The following GULP1 variants were observed in gnomAD, a reference collection of about 807,000 sequenced individuals.
GULP1 encodes the protein GULP PTB domain containing engulfment adaptor 1.
A neutral mutation model predicts 40.9 loss-of-function variants in GULP1; 19 were observed. That is an observed-to-expected ratio of 0.46 (90% CI 0.32 to 0.68). The LOEUF is 0.68. GULP1 is among the 30% of genes least tolerant of loss of function. GULP1 has a pLI of 0.03. For missense variants in GULP1, 312 were observed against 362.2 expected (o/e 0.86, Z 1.12); for synonymous variants, 119 against 117.6 (o/e 1.01, Z -0.08).
intron 1 of GULP1, among the ~76,000 whole-genome samples, chr2:188,359,839 A>G (rs2045862314): frequency 6.6e-6 from 1 of 152,140 alleles, no homozygotes; most frequent in African/African-American, 2.4e-5. Flanking sequence ...TGAACTCAAG[A>G]TGAGATGCTG....
intron 2 of GULP1, among the ~76,000 whole-genome samples, chr2:188,414,763 CTG>C (rs1397269721): frequency 1.3e-5 from 2 of 152,140 alleles, no homozygotes; most frequent in African/African-American, 2.4e-5. Flanking sequence ...GTTAATGAAT[CTG>C]TGTAAAAATT....
chr2:188,342,226 T>A (rs1450249331), intron 1 of GULP1, among the ~76,000 whole-genome samples: 36 of 152,142 alleles, frequency 2.4e-4, no homozygotes. Context: ...GTGGTTGGGT[T>A]GGTTTGGCAG....
intron 11 of GULP1, chr2:188,591,297 TA>T (rs1271591288): frequency 6.6e-6 from 1 of 152,100 alleles, no homozygotes; most frequent in Non-Finnish European, 1.5e-5. Context: ...GAAAGTGTGA[TA>T]AAACAAGCAC....
rs529587537 is a variant in GULP1 at position 188,495,866 on chromosome 2, T to C, written c.90+12374T>C. On this transcript the variant is annotated intron_variant, in intron 4 of 11. Coordinates refer to ENST00000409830, the MANE Select transcript of GULP1 (RefSeq NM_016315.4). ...ACACGGAAAAAAAAGCTTCCGTGAT[T>C]TCAAACAACTATCTTACAGATGGGA... Among the ~76,000 whole-genome samples the C allele has an allele frequency of 1.1e-3, 161 of 152,154 alleles. 2 individuals are homozygous for C. Among genetic ancestry groups the C allele is most frequent in the African/African-American group, 3.8e-3 (156 of 41,548 alleles).
chr2:188,578,563 C>T (rs953533434), intron 9 of GULP1, among the ~76,000 whole-genome samples: 2 of 151,310 alleles, frequency 1.3e-5, no homozygotes, highest in African/African-American at 4.9e-5. Flanking sequence ...AAAAGAGCTA[C>T]AAAAATGTAG....
intron 4 of GULP1, among the ~76,000 whole-genome samples, chr2:188,515,706 GACACACAC>G (rs58687237): frequency 1.0e-4 from 15 of 145,344 alleles, no homozygotes; most frequent in African/African-American, 3.5e-4. Flanking sequence ...TACACACACA[GACACACAC>G]ACACACACAC....
At chr2:188,477,815 T>C in intron 3 of GULP1, 85 bp downstream of exon 3, 1 of 1,055,408 alleles carries the variant, frequency 9.5e-7, no homozygotes, top group Non-Finnish European at 1.4e-6. Flanking sequence ...TCAGTTTTTC[T>C]TGTTGTCAAA....
At chr2:188,393,192 G>A (rs948807277) in intron 2 of GULP1, among the ~76,000 whole-genome samples, 2 of 151,486 alleles carry the variant, frequency 1.3e-5, no homozygotes, top group South Asian at 2.1e-4. Flanking sequence ...GTCCCCCCGC[G>A]ATTACTATGT....
chr2:188,522,731 G>A (rs1274612538), intron 4 of GULP1, 25 bp from the exon 5 acceptor site: 3 of 1,477,548 alleles, frequency 2.0e-6, no homozygotes, highest in Non-Finnish European at 2.8e-6. Flanking sequence ...GTAAAAGCCT[G>A]TGTCTCACAA....
At chr2:188,468,837 G>A (rs1174429503) in intron 2 of GULP1, among the ~76,000 whole-genome samples, 5 of 152,076 alleles carry the variant, frequency 3.3e-5, no homozygotes, top group African/African-American at 1.2e-4. Flanking sequence ...AGGGGAGGGG[G>A]GCAATTGCAA....
At chr2:188,524,028 A>G (rs1430647759) in intron 5 of GULP1, among the ~76,000 whole-genome samples, 1 of 152,190 alleles carries the variant, frequency 6.6e-6, no homozygotes, top group Non-Finnish European at 1.5e-5. Flanking sequence ...AGAGGATTTA[A>G]AAGGGCTCAC....
intron 1 of GULP1, among the ~76,000 whole-genome samples, chr2:188,357,355 C>A (rs1023377641): frequency 6.6e-6 from 1 of 151,958 alleles, no homozygotes; most frequent in Non-Finnish European, 1.5e-5. Flanking sequence ...CAACAGCTTC[C>A]AAACAAATAA....
At chr2:188,311,026 C>G (rs1244049577) in intron 1 of GULP1, among the ~76,000 whole-genome samples, 4 of 152,118 alleles carry the variant, frequency 2.6e-5, no homozygotes, top group Non-Finnish European at 5.9e-5. Context: ...TTTTGGGTTG[C>G]AGCTTTCCGT....
intron 2 of GULP1, among the ~76,000 whole-genome samples, chr2:188,385,912 A>T (rs913207737): frequency 6.6e-6 from 1 of 152,146 alleles, no homozygotes. Context: ...AAGCCATTCA[A>T]CAAGTCTTTA....
chr2:188,507,284 T>C lies in GULP1; in HGVS notation c.91-15472T>C, dbSNP rs149291966. On this transcript the variant is annotated intron_variant, in intron 4 of 11. Coordinates refer to ENST00000409830, the MANE Select transcript of GULP1 (RefSeq NM_016315.4). ...GAGAGTCTCTAGGAAAATCCCATTC[T>C]AGAATTTATTGGGCTTTATGGAGTG... Among the ~76,000 whole-genome samples the C allele has an allele frequency of 6.0e-3, 910 of 152,056 alleles. 9 individuals carry two copies. The highest frequency in any genetic ancestry group is 0.021 in the African/African-American group (868 of 41,498).
At chr2:188,583,299 C>T (rs558165259) in intron 9 of GULP1, among the ~76,000 whole-genome samples, 5 of 152,204 alleles carry the variant, frequency 3.3e-5, no homozygotes, top group East Asian at 1.9e-4. Flanking sequence ...TTTTTCATCA[C>T]CTGCACTACC....
chr2:188,331,884 T>C (rs950535886), intron 1 of GULP1, among the ~76,000 whole-genome samples: 4 of 152,190 alleles, frequency 2.6e-5, no homozygotes, highest in African/African-American at 9.6e-5. Flanking sequence ...TTTTTACTTG[T>C]CTTCATATCT....
chr2:188,374,857 T>C (rs2048098646), intron 1 of GULP1, among the ~76,000 whole-genome samples: 1 of 152,006 alleles, frequency 6.6e-6, no homozygotes, highest in South Asian at 2.1e-4. Context: ...GCATAGTGTA[T>C]GTATAAACAA....
At chr2:188,504,563 C>A (rs911781009) in intron 4 of GULP1, among the ~76,000 whole-genome samples, 1 of 151,800 alleles carries the variant, frequency 6.6e-6, no homozygotes, top group Non-Finnish European at 1.5e-5. Context: ...ATAGGTATTT[C>A]TCCAAAGTAC....
Sources: gnomAD v4.1 joint callset for allele counts (sites outside exome capture counted in the v4.1 genomes callset) on GRCh38, gnomAD v4.1.1 for gene constraint, MANE v1.5 for transcripts, NCBI Gene and HGNC (gene_info 2026-07-23, HGNC 2026-07-21) for gene names.